Variants in CSMD1 observed in about 807,000 individuals in gnomAD.
CSMD1 encodes CUB and sushi domain-containing protein 1.
Under a neutral mutation model 417.5 loss-of-function variants are expected in CSMD1, and 213 were observed. The observed-to-expected ratio is 0.51, with a 90% CI of 0.46 to 0.57. The LOEUF is 0.57. CSMD1 is among the 20% of genes least tolerant of loss of function. CSMD1 has a pLI of 0.00. For synonymous variants in CSMD1, 2,862 were observed against 1,736.8 expected, an observed-to-expected ratio of 1.65 and a Z score of -16.11; for missense variants, 6,923 against 4,529.7, an observed-to-expected ratio of 1.53 and a Z score of -15.17.
At chr8:4,859,639 G>C (rs1414522108) in intron 1 of CSMD1, among the ~76,000 whole-genome samples, 15 of 152,070 alleles carry the variant, frequency 9.9e-5, no homozygotes, top group Admixed American at 2.0e-4. Context: ...CGTTTATACA[G>C]CCAAAAAACA....
At chr8:4,334,497 TA>T (rs914642839) in intron 3 of CSMD1, among the ~76,000 whole-genome samples, 2 of 152,138 alleles carry the variant, frequency 1.3e-5, no homozygotes, top group Non-Finnish European at 2.9e-5. Context: ...ATTTTTGACT[TA>T]CCAGTCCCTA....
intron 18 of CSMD1, among the ~76,000 whole-genome samples, chr8:3,386,100 C>T (rs1055451843): frequency 6.6e-6 from 1 of 152,124 alleles, no homozygotes; most frequent in Non-Finnish European, 1.5e-5. Flanking sequence ...TACCTTGGTG[C>T]TTACACCATA....
chr8:4,780,984 A>G (rs926254481), intron 1 of CSMD1, among the ~76,000 whole-genome samples: 2 of 152,200 alleles, frequency 1.3e-5, no homozygotes, highest in African/African-American at 2.4e-5. Flanking sequence ...TCTCTCAATC[A>G]AAGGTCAGTG....
chr8:3,922,948 G>A (rs1193949839), intron 5 of CSMD1, among the ~76,000 whole-genome samples: 1 of 152,290 alleles, frequency 6.6e-6, no homozygotes, highest in East Asian at 1.9e-4. Flanking sequence ...CAGATTGTGT[G>A]AGCCCCTTGA....
intron 5 of CSMD1, among the ~76,000 whole-genome samples, chr8:3,890,129 A>G (rs1194771508): frequency 2.6e-5 from 4 of 152,152 alleles, no homozygotes; most frequent in Non-Finnish European, 5.9e-5. Context: ...TTGATAGTTT[A>G]TTATTGGGTG....
At chr8:3,139,315 G>C (rs893844784) in intron 41 of CSMD1, among the ~76,000 whole-genome samples, 2 of 152,148 alleles carry the variant, frequency 1.3e-5, no homozygotes, top group African/African-American at 4.8e-5. Flanking sequence ...CTCCTATATA[G>C]CTAAAGTCAG....
chr8:3,978,463 G>T lies in CSMD1; in HGVS notation c.818+19440C>A, dbSNP rs145380512. Among the ~76,000 whole-genome samples, 18 of 151,774 alleles carry T rather than the reference G, an allele frequency of 1.2e-4. No individual in the cohort carries two copies. In the East Asian group the frequency reaches 2.9e-3, roughly 25 times the overall value. ...CCTACCTACCAATACAGGCATTATT[G>T]TAAGAAATCCATGAATATGGGGACT... On this transcript the variant is annotated intron_variant, in intron 5 of 69. Transcript: ENST00000635120.
intron 1 of CSMD1, among the ~76,000 whole-genome samples, chr8:4,942,119 C>T (rs1808044870): frequency 6.6e-6 from 1 of 152,140 alleles, no homozygotes; most frequent in Non-Finnish European, 1.5e-5. Context: ...CCTAAATATT[C>T]TCTTCCAATC....
intron 5 of CSMD1, among the ~76,000 whole-genome samples, chr8:3,839,146 C>G (rs1360565652): frequency 1.6e-5 from 2 of 123,908 alleles, no homozygotes; most frequent in Non-Finnish European, 3.2e-5. Context: ...TATATATAGT[C>G]TATATATCTA....
At chr8:3,296,739 G>T (rs1461338030) in intron 25 of CSMD1, among the ~76,000 whole-genome samples, 1 of 152,144 alleles carries the variant, frequency 6.6e-6, no homozygotes, top group Admixed American at 6.6e-5. Context: ...GGATGTGCTG[G>T]CCCTGTAGGT....
intron 1 of CSMD1, among the ~76,000 whole-genome samples, chr8:4,986,891 T>C (rs1312016073): frequency 8.5e-5 from 13 of 152,180 alleles, no homozygotes; most frequent in African/African-American, 3.1e-4. Context: ...CGTTATTAGA[T>C]TTTGATCACT....
chr8:4,415,406 A>T (rs548447370), intron 3 of CSMD1, among the ~76,000 whole-genome samples: 2 of 152,138 alleles, frequency 1.3e-5, no homozygotes, highest in Non-Finnish European at 2.9e-5. Context: ...CGGGTTTGAC[A>T]CAAAGTAGGC....
At chr8:4,329,887 C>G (rs892405238) in intron 3 of CSMD1, among the ~76,000 whole-genome samples, 1 of 151,902 alleles carries the variant, frequency 6.6e-6, no homozygotes, top group African/African-American at 2.4e-5. Flanking sequence ...CACACACACT[C>G]TTTCTCTCTT....
intron 41 of CSMD1, among the ~76,000 whole-genome samples, chr8:3,121,924 A>G (rs566612094): frequency 2.6e-5 from 4 of 152,286 alleles, no homozygotes; most frequent in African/African-American, 9.6e-5. Context: ...AGTTCAAATA[A>G]AGTTATTACA....
At chr8:3,756,078 C>A (rs181114137) in intron 5 of CSMD1, among the ~76,000 whole-genome samples, 2 of 152,052 alleles carry the variant, frequency 1.3e-5, no homozygotes, top group Admixed American at 1.3e-4. Context: ...TCATTGTGGC[C>A]GGGCGCAGTG....
intron 1 of CSMD1, among the ~76,000 whole-genome samples, chr8:4,865,947 T>G (rs761507263): frequency 6.6e-6 from 1 of 151,920 alleles, no homozygotes; most frequent in Non-Finnish European, 1.5e-5. Context: ...AACTTGAAAA[T>G]TTTTTAAAAA....
At chr8:4,468,301 A>C (rs1268044732) in intron 2 of CSMD1, among the ~76,000 whole-genome samples, 1 of 151,966 alleles carries the variant, frequency 6.6e-6, no homozygotes, top group African/African-American at 2.4e-5. Context: ...GAAAGTGTTG[A>C]TCTTCTGTTA....
chr8:3,463,166 CTG>C (rs1276414993), intron 12 of CSMD1, among the ~76,000 whole-genome samples: 4 of 152,228 alleles, frequency 2.6e-5, no homozygotes, highest in Non-Finnish European at 4.4e-5. Flanking sequence ...AATGAACTAA[CTG>C]TGCACCTGTC....
chr8:3,915,827 T>G (rs1005646456), intron 5 of CSMD1, among the ~76,000 whole-genome samples: 1 of 147,264 alleles, frequency 6.8e-6, no homozygotes, highest in Non-Finnish European at 1.5e-5. Context: ...ATTTTGGGGT[T>G]TAACATTTTA....
Sources: allele counts gnomAD v4.1 joint callset (sites outside exome capture counted in the v4.1 genomes callset), GRCh38; gene constraint gnomAD v4.1.1; transcripts MANE v1.5; gene names NCBI Gene and HGNC (gene_info 2026-07-23, HGNC 2026-07-21).